Variants in RAB3IL1 observed in about 807,000 individuals in gnomAD.
The protein encoded by RAB3IL1 is guanine nucleotide exchange factor for Rab-3A.
RAB3IL1 carries 37 observed loss-of-function variants against 49.2 expected under a neutral mutation model. That is an observed-to-expected ratio of 0.75 (90% CI 0.58 to 0.99). The LOEUF (loss-of-function observed/expected upper bound fraction) is 0.99, where lower values mean the gene tolerates loss of function less well. Ranked by LOEUF, RAB3IL1 falls within the 50% of genes least tolerant of loss-of-function variation. The pLI is 0.00. For missense variants in RAB3IL1, 484 were observed against 513.0 expected, an observed-to-expected ratio of 0.94 and a Z score of 0.55; for synonymous variants, 193 against 213.9, an observed-to-expected ratio of 0.90 and a Z score of 0.85.
the RAB3IL1 span, among the ~76,000 whole-genome samples, chr11:61,944,128 T>A: frequency 6.6e-6 from 1 of 151,528 alleles, no homozygotes; most frequent in Non-Finnish European, 1.5e-5. Context: ...TCAAGGAACC[T>A]CCTCAACAAA....
At chr11:61,907,359 T>C (rs1311794105) in intron 4 of RAB3IL1, 34 bp downstream of exon 4, 6 of 1,607,766 alleles carry the variant, frequency 3.7e-6, no homozygotes, top group Admixed American at 1.7e-5. Context: ...GGGGGGTGCC[T>C]GGGCTGGCCT....
At chr11:61,934,458 A>G in the RAB3IL1 span, among the ~76,000 whole-genome samples, 621 of 21,790 alleles carry the variant, frequency 0.028, 30 homozygotes, top group South Asian at 0.17. Flanking sequence ...ATGTATATAT[A>G]TATATATATA....
intron 1 of RAB3IL1, 28 bp downstream of exon 1, chr11:61,917,329 G>A: frequency 4.5e-6 from 6 of 1,320,444 alleles, no homozygotes; most frequent in Non-Finnish European, 4.8e-6. Flanking sequence ...CAGACCCAGC[G>A]CGGGACCGCG....
chr11:61,940,418 G>A, the RAB3IL1 span, among the ~76,000 whole-genome samples: 5 of 151,286 alleles, frequency 3.3e-5, no homozygotes, highest in African/African-American at 1.2e-4. Flanking sequence ...TCCAGCCTGG[G>A]CAACCAAGGG....
chr11:61,910,931 G>A (rs1210819689), intron 1 of RAB3IL1, among the ~76,000 whole-genome samples: 1 of 152,250 alleles, frequency 6.6e-6, no homozygotes, highest in African/African-American at 2.4e-5. Flanking sequence ...CCTATGCCCT[G>A]ACCGAGGAGA....
chr11:61,909,035 C>G (rs1939344184), intron 1 of RAB3IL1, among the ~76,000 whole-genome samples: 1 of 152,184 alleles, frequency 6.6e-6, no homozygotes, highest in African/African-American at 2.4e-5. Flanking sequence ...CGCCCCCACC[C>G]ACACTCTCCA....
intron 1 of RAB3IL1, among the ~76,000 whole-genome samples, chr11:61,914,902 C>T (rs1165908304): frequency 6.6e-6 from 1 of 152,190 alleles, no homozygotes; most frequent in African/African-American, 2.4e-5. Flanking sequence ...GAGCTGTCAT[C>T]AGACTTGGTC....
rs1938731137 is a variant in RAB3IL1 at position 61,898,586 on chromosome 11, T to C, written c.1067-226A>G. On this transcript the variant is annotated intron_variant, in intron 9 of 9. Transcript: ENST00000394836. This position sits in a 1 kb window ranked among gnomAD's most constrained non-coding sequence, Gnocchi z 5.1. ...CCACACCCGAGGGATCTGTTTGCAC[T>C]ACACTGACGGCCACCCCCACAGCCC... Among the ~76,000 whole-genome samples the C allele has an allele frequency of 1.3e-5, 2 of 152,200 alleles. No homozygotes were observed. The highest frequency in any genetic ancestry group is 4.1e-4 in the South Asian group (2 of 4,828).
At chr11:61,899,449 G>A in intron 8 of RAB3IL1, 69 bp from the exon 9 acceptor site, 1 of 1,494,084 alleles carries the variant, frequency 6.7e-7, no homozygotes, top group Non-Finnish European at 9.1e-7. Context: ...AGGCGGATCT[G>A]AGTCCAGAGC....
chr11:61,915,558 C>CGGCACAAGACACA (rs930948521), intron 1 of RAB3IL1, among the ~76,000 whole-genome samples: 4 of 152,238 alleles, frequency 2.6e-5, no homozygotes, highest in African/African-American at 9.6e-5. Context: ...TCCACCCAGC[C>CGGCACAAGACACA]GGCACAAGAC....
the RAB3IL1 span, among the ~76,000 whole-genome samples, chr11:61,936,318 A>G: frequency 1.3e-5 from 2 of 152,254 alleles, no homozygotes; most frequent in African/African-American, 4.8e-5. Context: ...AATGAATCCC[A>G]AGTAGGATAA....
Position 61,898,073 on chromosome 11 carries a change from G to T in RAB3IL1, c.*205C>A, listed in dbSNP as rs558774514. On this transcript the variant is annotated 3_prime_UTR_variant, in exon 10 of 10. Coordinates refer to ENST00000394836, the MANE Select transcript of RAB3IL1 (RefSeq NM_013401.4). The surrounding 1 kb of genome is among the most constrained non-coding windows in gnomAD (Gnocchi z 5.1). ...GTGGCAGAACCCAGTGGGGAAGAGA[G>T]GGGGGTCTTGCCGTGAAGTCCAGGC... The T allele has an allele frequency of 1.8e-6, 1 of 565,870 alleles. No individual in the cohort carries two copies. Among genetic ancestry groups the T allele is most frequent in the East Asian group, 3.1e-5 (1 of 32,782 alleles). 35.1% of individuals were successfully genotyped at this position (565,870 alleles called of 1,614,324 possible).
upstream of RAB3IL1, chr11:61,919,982 G>A (rs11230827): frequency 0.051 from 57,648 of 1,136,842 alleles, 4,365 homozygotes; most frequent in South Asian, 0.36. Context: ...TCTCACACTG[G>A]CTGCCCTGAA....
intron 1 of RAB3IL1, among the ~76,000 whole-genome samples, chr11:61,909,875 G>A (rs368358747): frequency 1.1e-4 from 17 of 152,200 alleles, no homozygotes; most frequent in African/African-American, 3.9e-4. Context: ...GGGAGGCTGA[G>A]GCAGGTGGAT....
intron 5 of RAB3IL1, among the ~76,000 whole-genome samples, chr11:61,905,356 G>A (rs1468087517): frequency 1.3e-5 from 2 of 152,176 alleles, no homozygotes; most frequent in African/African-American, 4.8e-5. Flanking sequence ...AGGCTGGGAG[G>A]GGGCAAAGTG....
chr11:61,902,816 G>A lies in RAB3IL1; in HGVS notation c.900-275C>T, dbSNP rs111293479. On this transcript the variant is annotated intron_variant, in intron 7 of 9. Transcript: ENST00000394836. Reference sequence around the variant, plus strand: ...GAGCTTGGTTAATCTCATGCCAGGTGTACAAAGTCCCACCCTCTGCAGGCT... The same window carrying A: ...GAGCTTGGTTAATCTCATGCCAGGTATACAAAGTCCCACCCTCTGCAGGCT... 3.0e-3 allele frequency among the ~76,000 whole-genome samples: 457 copies of A among 152,302 alleles called. 2 individuals carry two copies. The highest frequency in any genetic ancestry group is 0.01 in the Middle Eastern group (3 of 294).
chr11:61,904,361 C>T (rs571119685), intron 7 of RAB3IL1, among the ~76,000 whole-genome samples, 185 bp downstream of exon 7: 88 of 152,238 alleles, frequency 5.8e-4, no homozygotes, highest in African/African-American at 2.0e-3. Flanking sequence ...CCCTAGCTCC[C>T]GGCCTCTCTG....
At chr11:61,937,460 C>G in the RAB3IL1 span, among the ~76,000 whole-genome samples, 1 of 151,934 alleles carries the variant, frequency 6.6e-6, no homozygotes, top group Non-Finnish European at 1.5e-5. Flanking sequence ...TGCACATCAC[C>G]ACATCTGGCT....
chr11:61,918,631 G>A (rs890190273), upstream of RAB3IL1, among the ~76,000 whole-genome samples: 1 of 152,242 alleles, frequency 6.6e-6, no homozygotes, highest in Non-Finnish European at 1.5e-5. Context: ...CCACGTTGGT[G>A]GAGGATGGAG....
Sources: allele counts gnomAD v4.1 joint callset (sites outside exome capture counted in the v4.1 genomes callset), GRCh38; gene constraint gnomAD v4.1.1; non-coding constraint Gnocchi (gnomAD v3.1); transcripts MANE v1.5; gene names NCBI Gene and HGNC (gene_info 2026-07-23, HGNC 2026-07-21).